HERPUD2: variants seen among roughly 807,000 people sequenced by gnomAD.
The protein encoded by HERPUD2 is homocysteine-responsive endoplasmic reticulum-resident ubiquitin-like domain member 2 protein.
Under a neutral mutation model 49.9 loss-of-function variants are expected in HERPUD2, and 13 were observed. The observed-to-expected ratio is 0.26, with a 90% CI of 0.17 to 0.41. The LOEUF (loss-of-function observed/expected upper bound fraction) is 0.41. Ranked by LOEUF, HERPUD2 falls within the 10% of genes least tolerant of loss-of-function variation. HERPUD2 has a pLI of 1.00. For synonymous variants in HERPUD2, 172 were observed against 171.4 expected (o/e 1.00, Z -0.03); for missense variants, 449 against 492.2 (o/e 0.91, Z 0.83).
At chr7:35,686,561 T>C (rs1583572107) in intron 2 of HERPUD2, among the ~76,000 whole-genome samples, 1 of 141,400 alleles carries the variant, frequency 7.1e-6, no homozygotes, top group African/African-American at 2.6e-5. Flanking sequence ...CTACTAAAAA[T>C]ACAAAAAATT....
Position 35,686,734 on chromosome 7 carries a change from AAAAAAAAAAAAC to A in HERPUD2, c.147+7438_147+7449del, listed in dbSNP as rs1348836369. Among the ~76,000 whole-genome samples, 34 of 103,022 alleles carry A rather than the reference AAAAAAAAAAAAC, an allele frequency of 3.3e-4. 2 individuals are homozygous for A. Among genetic ancestry groups the A allele is most frequent in the African/African-American group, 6.4e-4 (15 of 23,312 alleles). 67.6% of individuals were successfully genotyped at this position (103,022 alleles called of 152,430 possible). Reference sequence around the variant, plus strand: ...ACTCCGTCTCAAAAAAAAAAAAAAAAAAAAAAAAAAACCAAACCCATTTCCAGGCCAGGGGTG... The same window carrying A: ...ACTCCGTCTCAAAAAAAAAAAAAAAACAAACCCATTTCCAGGCCAGGGGTG... On this transcript the variant is annotated intron_variant, in intron 2 of 8. Coordinates refer to ENST00000311350, the MANE Select transcript of HERPUD2 (RefSeq NM_022373.5).
chr7:35,637,098 A>T (rs1489201100), intron 6 of HERPUD2, among the ~76,000 whole-genome samples: 4 of 151,812 alleles, frequency 2.6e-5, no homozygotes, highest in Non-Finnish European at 4.4e-5. Context: ...ATGCCACTGC[A>T]CTCTAGCCTA....
In HERPUD2 at chr7:35,669,204, C is replaced by T. The variant is rs148976624; in HGVS notation, c.339+1011G>A. ...GCCAAGGCAGGAAACATACAAAGAC[C>T]CTTGGGTGTTTTGACAAGGCATATT... On this transcript the variant is annotated intron_variant, in intron 4 of 8. Transcript: ENST00000311350. 6.0e-4 allele frequency among the ~76,000 whole-genome samples: 91 copies of T among 152,202 alleles called. 1 individual carries two copies. The highest frequency in any genetic ancestry group is 1.1e-3 in the Non-Finnish European group (75 of 67,998).
chr7:35,671,371 T>G (rs1314181133), intron 3 of HERPUD2, among the ~76,000 whole-genome samples: 1 of 151,984 alleles, frequency 6.6e-6, no homozygotes, highest in African/African-American at 2.4e-5. Context: ...AAGGAGTTAC[T>G]AAGGGTTAGA....
chr7:35,667,190 A>G (rs181012753), intron 5 of HERPUD2, among the ~76,000 whole-genome samples: 25 of 152,332 alleles, frequency 1.6e-4, no homozygotes, highest in African/African-American at 6.0e-4. Context: ...CAGCTCAACA[A>G]GGTCTCCCGG....
At chr7:35,662,882 T>G (rs142942813) in intron 5 of HERPUD2, among the ~76,000 whole-genome samples, 3 of 152,318 alleles carry the variant, frequency 2.0e-5, no homozygotes, top group Admixed American at 6.5e-5. Flanking sequence ...AGTTCTGCTC[T>G]GATCTTAGTT....
Position 35,669,366 on chromosome 7 carries a change from T to G in HERPUD2, c.339+849A>C, listed in dbSNP as rs547696188. ...AGTTAACTAGTATCTATTGAGAGAG[T>G]TTTCAACTAGCTCCCACCCCTGTCA... On this transcript the variant is annotated intron_variant, in intron 4 of 8. Transcript: ENST00000311350. Among the ~76,000 whole-genome samples, 6 of 152,014 alleles carry G rather than the reference T, an allele frequency of 3.9e-5. No individual in the cohort carries two copies. In the East Asian group the frequency reaches 7.7e-4, roughly 20 times the overall value.
intron 2 of HERPUD2, among the ~76,000 whole-genome samples, chr7:35,682,112 A>C (rs1353475430): frequency 1.2e-4 from 18 of 151,886 alleles, no homozygotes; most frequent in Middle Eastern, 6.8e-3. Flanking sequence ...GTATCAGCTC[A>C]CTGCAACCTC....
At chr7:35,650,373 C>T (rs1257784192) in intron 5 of HERPUD2, among the ~76,000 whole-genome samples, 4 of 152,130 alleles carry the variant, frequency 2.6e-5, no homozygotes, top group Admixed American at 2.6e-4. Flanking sequence ...TCCTGTAATC[C>T]TAGCCACAAG....
intron 5 of HERPUD2, among the ~76,000 whole-genome samples, chr7:35,661,946 T>C (rs1785433376): frequency 6.6e-6 from 1 of 152,206 alleles, no homozygotes; most frequent in South Asian, 2.1e-4. Flanking sequence ...CATCCCTGTC[T>C]TGTGCCAGTT....
intron 5 of HERPUD2, 95 bp downstream of exon 5, chr7:35,667,339 C>A: frequency 2.7e-6 from 3 of 1,093,638 alleles, no homozygotes; most frequent in Non-Finnish European, 4.0e-6. Context: ...TTAAAATGTA[C>A]TTTAATTACT....
chr7:35,633,906 A>C, intron 8 of HERPUD2, 55 bp from the exon 9 acceptor site: 1 of 1,513,144 alleles, frequency 6.6e-7, no homozygotes, highest in South Asian at 1.2e-5. Context: ...GCATTAGCTC[A>C]TAATAGAATA....
At chr7:35,636,212 G>C (rs1784869685) in intron 6 of HERPUD2, among the ~76,000 whole-genome samples, 1 of 152,182 alleles carries the variant, frequency 6.6e-6, no homozygotes, top group South Asian at 2.1e-4. Flanking sequence ...TCAAAGCTGG[G>C]TGATAGGTAC....
chr7:35,686,808 T>TGGGGGGGGGGGGGGGG (rs1215387825), intron 2 of HERPUD2, among the ~76,000 whole-genome samples: 1 of 4,296 alleles, frequency 2.3e-4, no homozygotes, highest in Non-Finnish European at 3.8e-4. Context: ...TTTGGGAGGC[T>TGGGGGGGGGGGGGGGG]GGGGGGGGGG....
intron 5 of HERPUD2, among the ~76,000 whole-genome samples, chr7:35,656,213 C>T (rs953377398): frequency 1.3e-5 from 2 of 151,612 alleles, no homozygotes; most frequent in Non-Finnish European, 2.9e-5. Flanking sequence ...AGAAGACAAT[C>T]CCCCTTACAA....
At chr7:35,675,848 C>T (rs1785748712) in intron 2 of HERPUD2, among the ~76,000 whole-genome samples, 1 of 152,106 alleles carries the variant, frequency 6.6e-6, no homozygotes, top group Non-Finnish European at 1.5e-5. Context: ...TCATGGTACA[C>T]ACTGCAGCCC....
Position 35,691,641 on chromosome 7 carries a change from C to A in HERPUD2, c.147+2543G>T, listed in dbSNP as rs1384901036. Among the ~76,000 whole-genome samples, 3 of 152,352 alleles carry A rather than the reference C, an allele frequency of 2.0e-5. No individual in the cohort carries two copies. The South Asian group carries it at 6.2e-4, about 32-fold the overall frequency. ...AAGGAAGATGCACAAGAAATTATCTCTGTTAAACATAACAGCACTTGAAAA... is the reference window on the plus strand; with the variant it reads ...AAGGAAGATGCACAAGAAATTATCTATGTTAAACATAACAGCACTTGAAAA... On this transcript the variant is annotated intron_variant, in intron 2 of 8. Transcript: ENST00000311350.
intron 3 of HERPUD2, among the ~76,000 whole-genome samples, chr7:35,672,667 G>T (rs917392755): frequency 5.9e-5 from 9 of 152,078 alleles, no homozygotes; most frequent in African/African-American, 2.2e-4. Context: ...TAAGCTAAAA[G>T]CTACCACTAA....
chr7:35,639,940 A>G (rs561436401), intron 5 of HERPUD2, among the ~76,000 whole-genome samples: 67 of 152,258 alleles, frequency 4.4e-4, no homozygotes, highest in African/African-American at 1.4e-3. Context: ...TATTTTATAT[A>G]TATTTCCTTC....
Sources: allele counts gnomAD v4.1 joint callset (sites outside exome capture counted in the v4.1 genomes callset), GRCh38; gene constraint gnomAD v4.1.1; transcripts MANE v1.5; gene names NCBI Gene and HGNC (gene_info 2026-07-23, HGNC 2026-07-21).